Variants in DLGAP4 observed in about 807,000 individuals in gnomAD.
DLGAP4 encodes the protein DLG associated protein 4, also known as disks large-associated protein 4.
In DLGAP4, 18 loss-of-function variants were observed where a neutral mutation model predicts 86.9. The ratio of observed to expected loss-of-function variants is 0.21; its 90% confidence interval spans 0.14 to 0.31. DLGAP4 has a LOEUF of 0.31. DLGAP4 is among the 10% of genes least tolerant of loss of function. The pLI is 1.00. For missense variants in DLGAP4, 1,085 were observed against 1,362.6 expected, an observed-to-expected ratio of 0.80 and a Z score of 3.21; for synonymous variants, 548 against 574.3, an observed-to-expected ratio of 0.95 and a Z score of 0.65.
chr20:36,436,347 G>C lies in DLGAP4; in HGVS notation c.1238G>C (p.Arg413Pro). Residue 413 changes from arginine (R) to proline (P), a missense_variant, in exon 4 of 13, where the codon CGC becomes CCC. By Grantham distance (103) the Arg-to-Pro change is moderately radical (BLOSUM62 -2). Around this residue, in one of 2 missense-constraint regions of DLGAP4, gnomAD observed 1,082 missense variants for 1,344.1 expected, o/e 0.81. Transcript: ENST00000339266. ...TCGCTGGGAGAGCAGAGCAACCCCC[G>C]CAGGTAGGCGCGCAGCTCCACCCTT... ...QQSLGEQSNP[R>P]RSLDRLDSVD... is the part of the protein sequence containing the mutation. 2 of 1,591,428 alleles carry C rather than the reference G, an allele frequency of 1.3e-6. No homozygotes were observed. The highest frequency in any genetic ancestry group is 1.7e-6 in the Non-Finnish European group (2 of 1,172,664).
intron 7 of DLGAP4, among the ~76,000 whole-genome samples, chr20:36,452,257 T>C (rs1472118076): frequency 6.6e-6 from 1 of 150,708 alleles, no homozygotes; most frequent in Non-Finnish European, 1.5e-5. Flanking sequence ...TAGCTCACCA[T>C]AGCCTCAACC....
intron 7 of DLGAP4, among the ~76,000 whole-genome samples, chr20:36,464,307 C>G (rs76326522): frequency 0.022 from 3,371 of 152,310 alleles, 145 homozygotes; most frequent in African/African-American, 0.076. Context: ...CTCCTGTAAT[C>G]CTAGCACTTT....
chr20:36,380,673 G>A (rs558856778), intron 2 of DLGAP4, among the ~76,000 whole-genome samples: 3 of 148,032 alleles, frequency 2.0e-5, no homozygotes, highest in East Asian at 4.1e-4. Flanking sequence ...GAATCTCAGA[G>A]GCAGGCAGGC....
intron 1 of DLGAP4, among the ~76,000 whole-genome samples, chr20:36,313,174 C>A (rs2065068099): frequency 1.3e-5 from 2 of 152,142 alleles, no homozygotes; most frequent in African/African-American, 4.8e-5. Flanking sequence ...TTCCTTCCCC[C>A]ACTGCAGGCT....
intron 7 of DLGAP4, among the ~76,000 whole-genome samples, chr20:36,453,820 C>A (rs2033804409): frequency 6.6e-6 from 1 of 150,930 alleles, no homozygotes; most frequent in South Asian, 2.1e-4. Flanking sequence ...ATAATCCCAG[C>A]TACTCTGGAG....
intron 10 of DLGAP4, chr20:36,508,938 C>CTT (rs1438816514): frequency 6.6e-6 from 1 of 152,232 alleles, no homozygotes; most frequent in Non-Finnish European, 1.5e-5. Flanking sequence ...CCCTAGTATA[C>CTT]TTACTGATAC....
intron 5 of DLGAP4, among the ~76,000 whole-genome samples, chr20:36,441,425 T>G (rs2033444433): frequency 6.6e-6 from 1 of 152,204 alleles, no homozygotes; most frequent in Non-Finnish European, 1.5e-5. Flanking sequence ...AGGCTGCCTG[T>G]GATCACTTGT....
At chr20:36,382,527 C>CTTTTTTT (rs749210064) in intron 2 of DLGAP4, among the ~76,000 whole-genome samples, 221 of 110,466 alleles carry the variant, frequency 2.0e-3, no homozygotes, top group East Asian at 4.3e-3. Context: ...TTCTTTTTTT[C>CTTTTTTT]TTTTTTTTTT....
At chr20:36,523,830 A>T (rs2037532378) in intron 10 of DLGAP4, among the ~76,000 whole-genome samples, 1 of 151,992 alleles carries the variant, frequency 6.6e-6, no homozygotes, top group African/African-American at 2.4e-5. Context: ...TGTCCGGCTA[A>T]TTTTCATATA....
intron 3 of DLGAP4, among the ~76,000 whole-genome samples, chr20:36,435,905 C>T (rs1481238326): frequency 6.6e-6 from 1 of 152,158 alleles, no homozygotes; most frequent in Non-Finnish European, 1.5e-5. Context: ...TGGAGAAATC[C>T]CAGGCTGGAG....
At position 36,477,815 on chromosome 20, in the gene DLGAP4, G is replaced by A. The variant is rs77496487; in HGVS notation, c.1649-18890G>A. ...CAGTTAAATGCAAGGAAAATAGGAC[G>A]CCTGATCCCAATTTGTAGAAGTAGT... is the stretch of plus-strand genomic sequence containing the variant. On this transcript the variant is annotated intron_variant, in intron 7 of 12. Coordinates refer to ENST00000339266, the MANE Select transcript of DLGAP4 (RefSeq NM_001365621.2). Among the ~76,000 whole-genome samples, 14 of 152,310 alleles carry A rather than the reference G, an allele frequency of 9.2e-5. No homozygotes were observed. The East Asian group carries it at 2.3e-3, about 25-fold the overall frequency.
In DLGAP4 at chr20:36,449,089, G is replaced by A. The variant is rs192322537; in HGVS notation, c.1648+2152G>A. Among the ~76,000 whole-genome samples the A allele has an allele frequency of 2.8e-4, 43 of 152,296 alleles. 1 individual carries two copies. In the Middle Eastern group the frequency reaches 0.01, roughly 36 times the overall value. On this transcript the variant is annotated intron_variant, in intron 7 of 12. Transcript: ENST00000339266. Reference sequence around the variant, plus strand: ...CTTGGGAAGGGATGGTAGCCAGGGAGGTGTCGTCTGGCATCGGGACTCTCT... The same window carrying A: ...CTTGGGAAGGGATGGTAGCCAGGGAAGTGTCGTCTGGCATCGGGACTCTCT...
intron 1 of DLGAP4, among the ~76,000 whole-genome samples, chr20:36,320,079 C>A (rs990906752): frequency 6.7e-6 from 1 of 148,664 alleles, no homozygotes; most frequent in Non-Finnish European, 1.5e-5. Context: ...CCTCTGTGTC[C>A]GCCTCCTCCA....
At chr20:36,492,932 A>C (rs1447559648) in intron 7 of DLGAP4, 4 of 152,056 alleles carry the variant, frequency 2.6e-5, no homozygotes, top group Non-Finnish European at 5.9e-5. Flanking sequence ...GAGTTGCTCT[A>C]AACAAACGTC....
At chr20:36,380,613 GA>G (rs2031346296) in intron 2 of DLGAP4, among the ~76,000 whole-genome samples, 1 of 10,144 alleles carries the variant, frequency 9.9e-5, no homozygotes, top group African/African-American at 1.4e-3. Context: ...GAGAGAGAGA[GA>G]GAGAGAGAGA....
intron 1 of DLGAP4, among the ~76,000 whole-genome samples, chr20:36,359,046 G>C (rs139913217): frequency 1.3e-5 from 2 of 152,202 alleles, no homozygotes; most frequent in Non-Finnish European, 2.9e-5. Context: ...GAGCTATCCA[G>C]TAGGGTAACC....
chr20:36,524,577 A>G (rs1214702432), intron 11 of DLGAP4, among the ~76,000 whole-genome samples: 77 of 152,198 alleles, frequency 5.1e-4, no homozygotes, highest in Admixed American at 5.0e-3. Flanking sequence ...ATGGATGGTA[A>G]AGTCAATTAG....
At chr20:36,499,749 C>T (rs2036054852) in intron 9 of DLGAP4, 73 bp downstream of exon 9, 4 of 1,375,220 alleles carry the variant, frequency 2.9e-6, no homozygotes, top group Non-Finnish European at 4.1e-6. Flanking sequence ...CTCCTGCTCT[C>T]CCTAACCCAC....
intron 10 of DLGAP4, among the ~76,000 whole-genome samples, chr20:36,513,163 A>G (rs563422229): frequency 2.4e-4 from 37 of 151,302 alleles, no homozygotes; most frequent in African/African-American, 8.5e-4. Flanking sequence ...AACTCAAGTC[A>G]TCTGCCCATC....
Sources: allele counts gnomAD v4.1 joint callset (sites outside exome capture counted in the v4.1 genomes callset), GRCh38; gene constraint gnomAD v4.1.1; regional missense constraint gnomAD v4.1.1; transcripts MANE v1.5; gene names NCBI Gene and HGNC (gene_info 2026-07-23, HGNC 2026-07-21).